The following PELP1 variants were observed in gnomAD, a reference collection of about 807,000 sequenced individuals.
The protein encoded by PELP1 is proline, glutamate and leucine rich protein 1.
In PELP1, 32 loss-of-function variants were observed where a neutral mutation model predicts 95.5. The observed-to-expected ratio is 0.34, with a 90% CI of 0.25 to 0.45. The LOEUF (loss-of-function observed/expected upper bound fraction) is 0.45, where lower values mean the gene tolerates loss of function less well. Among genes scored for constraint, PELP1 ranks in the 20% least tolerant of loss-of-function variants. The probability of loss-of-function intolerance (pLI) is 1.00; values close to 1 mark genes in which losing one functional copy is unlikely to be tolerated. For synonymous variants in PELP1, 668 were observed against 600.1 expected (o/e 1.11, Z -1.65); for missense variants, 1,358 against 1,444.8 (o/e 0.94, Z 0.97).
intron 1 of PELP1, among the ~76,000 whole-genome samples, chr17:4,692,552 A>T (rs1200741494): frequency 6.6e-6 from 1 of 152,158 alleles, no homozygotes; most frequent in Admixed American, 6.5e-5. Flanking sequence ...TCTAGTTAAG[A>T]GGAGACAGAA....
intron 3 of PELP1, 135 bp downstream of exon 3, chr17:4,690,753 C>T: frequency 1.6e-6 from 1 of 609,754 alleles, no homozygotes; most frequent in Non-Finnish European, 2.9e-6. Context: ...AGCTTATCCT[C>T]TCTGCTATCA....
intron 13 of PELP1, chr17:4,674,015 G>A (rs561912732): frequency 5.8e-5 from 21 of 361,194 alleles, no homozygotes; most frequent in African/African-American, 2.5e-4. Flanking sequence ...CACAGTATCC[G>A]ACTAGCAACC....
rs368437967 is a variant in PELP1 at position 4,691,458 on chromosome 17, C to T, written c.250-16G>A. ...CTGAAAGGTTCTGGAGGAAAGAAAA[C>T]AGGGAAGCGAGTCACAAACGGGATG... On this transcript the variant is annotated splice_polypyrimidine_tract_variant and intron_variant, in intron 1 of 16. Coordinates refer to ENST00000572293, the MANE Select transcript of PELP1 (RefSeq NM_014389.3). 95 of 1,603,708 alleles carry T rather than the reference C, an allele frequency of 5.9e-5. No individual in the cohort carries two copies. In the African/African-American group the frequency reaches 1.2e-3, roughly 20 times the overall value.
chr17:4,691,209 G>C (rs763753778), intron 2 of PELP1, 169 bp downstream of exon 2: 83 of 652,076 alleles, frequency 1.3e-4, no homozygotes, highest in Admixed American at 4.0e-4. Context: ...AGCTGGAAAA[G>C]GTAGGGTTCA....
At chr17:4,695,130 G>A (rs945178039) in intron 1 of PELP1, among the ~76,000 whole-genome samples, 1 of 151,346 alleles carries the variant, frequency 6.6e-6, no homozygotes, top group African/African-American at 2.4e-5. Context: ...AGACCAGCCT[G>A]GCCAACATGA....
In PELP1 at chr17:4,673,409, A is replaced by G; in HGVS notation, c.1686T>C (p.Gly562=). 1 of 1,595,208 alleles carries G rather than the reference A, an allele frequency of 6.3e-7. No homozygotes were observed. Among genetic ancestry groups the G allele is most frequent in the South Asian group, 1.1e-5 (1 of 88,080 alleles). Residue 562 remains glycine (G), a synonymous_variant, in exon 15 of 17, where the codon GGT becomes GGC. Transcript: ENST00000572293. The surrounding 1 kb of genome is among the most constrained non-coding windows in gnomAD (Gnocchi z 5.7). ...VLPLVMGVQQ[G]EVLGSSPYTS... ...TGTACGGGGAGCTGCCTAGGACCTC[A>G]CCCTGCTGTACACCCATGACCAGGG...
chr17:4,696,211 G>A (rs1394977095), intron 1 of PELP1, among the ~76,000 whole-genome samples: 1 of 151,970 alleles, frequency 6.6e-6, no homozygotes, highest in Non-Finnish European at 1.5e-5. Context: ...GGGCACCTGT[G>A]GTCACAGCTA....
At chr17:4,693,764 T>G (rs1913195929) in intron 1 of PELP1, among the ~76,000 whole-genome samples, 1 of 152,216 alleles carries the variant, frequency 6.6e-6, no homozygotes, top group African/African-American at 2.4e-5. Flanking sequence ...GAATGGCACG[T>G]AATTTAAAAC....
At chr17:4,690,786 G>A in intron 3 of PELP1, 102 bp downstream of exon 3, 1 of 734,428 alleles carries the variant, frequency 1.4e-6, no homozygotes, top group Non-Finnish European at 2.4e-6. Flanking sequence ...CAATTATTCT[G>A]TCCCCAGAAC....
At chr17:4,676,273 C>T (rs1170133587) in intron 7 of PELP1, 84 bp downstream of exon 7, 1 of 1,575,158 alleles carries the variant, frequency 6.3e-7, no homozygotes, top group Non-Finnish European at 8.7e-7. Context: ...AAACCAACTG[C>T]CCCATGTCTC....
chr17:4,676,929 C>T (rs11078530), intron 5 of PELP1, 117 bp from the exon 6 acceptor site: 717,191 of 739,474 alleles, frequency 0.97, 350,856 homozygotes, highest in East Asian at 1. Context: ...CCTGTAGACA[C>T]AAGAAGCAAA....
chr17:4,700,214 G>A (rs749090627), intron 1 of PELP1, among the ~76,000 whole-genome samples: 1 of 152,124 alleles, frequency 6.6e-6, no homozygotes, highest in East Asian at 1.9e-4. Context: ...CGAGGATGAA[G>A]TTTTGAGCCT....
intron 1 of PELP1, among the ~76,000 whole-genome samples, chr17:4,702,276 G>A (rs998077797): frequency 5.9e-5 from 9 of 152,018 alleles, no homozygotes; most frequent in African/African-American, 1.5e-4. Context: ...AAAATTAGCC[G>A]GGCATGGTGG....
chr17:4,696,511 A>C (rs1913303638), intron 1 of PELP1: 1 of 152,196 alleles, frequency 6.6e-6, no homozygotes, highest in South Asian at 2.1e-4. Flanking sequence ...GTGATTACCG[A>C]CTTTCACCCT....
At position 4,675,808 on chromosome 17, in the gene PELP1, T is replaced by C; in HGVS notation, c.1057A>G (p.Ser353Gly). 1.3e-6 allele frequency: 2 copies of C among 1,577,028 alleles called. No homozygotes were observed. Among genetic ancestry groups the C allele is most frequent in the East Asian group, 2.3e-5 (1 of 43,088 alleles). ...CAAATCCCACTTACAATATTCTTGC[T>C]ACTGACGCTGAGGGTCCGGCAGATG... ...DFICRTLSVS[S>G]KNISLHGDGP... The change falls in exon 9 of 17, where the codon AGC becomes GGC. Residue 353 changes from serine to glycine, a missense_variant. By Grantham distance (56) the Ser-to-Gly change is moderately conservative. Around this residue, in one of 7 missense-constraint regions of PELP1, gnomAD observed 538 missense variants for 628.1 expected, o/e 0.86. Coordinates refer to ENST00000572293, the MANE Select transcript of PELP1 (RefSeq NM_014389.3). This position sits in a 1 kb window ranked among gnomAD's most constrained non-coding sequence, Gnocchi z 4.3.
At position 4,673,682 on chromosome 17, in the gene PELP1, A is replaced by G; in HGVS notation, c.1583-8T>C. ...GGATGGTCCGGCTGAGGCCTGGGGA[A>G]GAAGAATGGTGTGTAAAGGGTAGGC... On this transcript the variant is annotated splice_polypyrimidine_tract_variant and splice_region_variant and intron_variant, in intron 13 of 16. Transcript: ENST00000572293. This position sits in a 1 kb window ranked among gnomAD's most constrained non-coding sequence, Gnocchi z 5.7. The G allele has an allele frequency of 6.2e-7, 1 of 1,613,454 alleles. No homozygotes were observed. Among genetic ancestry groups the G allele is most frequent in the Non-Finnish European group, 8.5e-7 (1 of 1,179,436 alleles).
At chr17:4,695,236 C>T (rs989113154) in intron 1 of PELP1, among the ~76,000 whole-genome samples, 1 of 151,956 alleles carries the variant, frequency 6.6e-6, no homozygotes, top group Non-Finnish European at 1.5e-5. Flanking sequence ...GCAGGAGAAT[C>T]GCTTGAACCC....
chr17:4,701,675 G>A (rs1327981773), intron 1 of PELP1, among the ~76,000 whole-genome samples: 1 of 152,214 alleles, frequency 6.6e-6, no homozygotes, highest in Non-Finnish European at 1.5e-5. Context: ...CAAGCTCCAG[G>A]TCTATTGCTG....
intron 5 of PELP1, among the ~76,000 whole-genome samples, chr17:4,677,031 G>A (rs902268269): frequency 2.0e-5 from 3 of 152,088 alleles, no homozygotes; most frequent in Non-Finnish European, 4.4e-5. Flanking sequence ...TCCTGCTTGG[G>A]AGCGAAAAGG....
Sources: gnomAD v4.1 joint callset for allele counts (sites outside exome capture counted in the v4.1 genomes callset) on GRCh38, gnomAD v4.1.1 for gene constraint, gnomAD v4.1.1 regional missense constraint, Gnocchi (gnomAD v3.1) non-coding constraint, MANE v1.5 for transcripts, NCBI Gene and HGNC (gene_info 2026-07-23, HGNC 2026-07-21) for gene names.